The following FKBP5 variants were observed in gnomAD, a reference collection of about 807,000 sequenced individuals.
The protein encoded by FKBP5 is FKBP prolyl isomerase 5, also known as peptidyl-prolyl cis-trans isomerase FKBP5.
A neutral mutation model predicts 50.5 loss-of-function variants in FKBP5; 23 were observed. The ratio of observed to expected loss-of-function variants is 0.46; its 90% CI spans 0.33 to 0.65. The LOEUF (loss-of-function observed/expected upper bound fraction) is 0.65. Among genes scored for constraint, FKBP5 ranks in the 30% least tolerant of loss-of-function variants. The pLI is 0.02. For synonymous variants in FKBP5, 176 were observed against 190.6 expected (o/e 0.92, Z 0.63); for missense variants, 411 against 553.1 (o/e 0.74, Z 2.58).
chr6:35,663,050 A>G (rs1298265621), intron 1 of FKBP5, among the ~76,000 whole-genome samples: 2 of 152,310 alleles, frequency 1.3e-5, no homozygotes, highest in East Asian at 3.9e-4. Flanking sequence ...GGGTGTGGCA[A>G]GAGTAAAATC....
intron 2 of FKBP5, among the ~76,000 whole-genome samples, chr6:35,711,371 A>T (rs1227491071): frequency 1.3e-5 from 2 of 151,356 alleles, no homozygotes; most frequent in African/African-American, 2.4e-5. Flanking sequence ...TAATCCTAAC[A>T]GTTTGGGAGG....
intron 1 of FKBP5, among the ~76,000 whole-genome samples, chr6:35,725,439 A>G (rs1766688325): frequency 1.3e-5 from 2 of 152,276 alleles, no homozygotes; most frequent in South Asian, 2.1e-4. Flanking sequence ...GGGTCCAGAG[A>G]AACTCCAGAC....
intron 5 of FKBP5, among the ~76,000 whole-genome samples, chr6:35,616,177 T>C (rs1248373895): frequency 6.6e-6 from 1 of 151,826 alleles, no homozygotes; most frequent in Non-Finnish European, 1.5e-5. Context: ...TAGTCGGGCA[T>C]GGTGGCGTGC....
intron 1 of FKBP5, among the ~76,000 whole-genome samples, chr6:35,671,872 ATT>A (rs1226325256): frequency 1.4e-5 from 2 of 146,520 alleles, no homozygotes; most frequent in Non-Finnish European, 1.5e-5. Context: ...ATTTAGAAGA[ATT>A]TTTTTTTTTT....
At chr6:35,623,147 C>G (rs1763897598) in intron 3 of FKBP5, among the ~76,000 whole-genome samples, 1 of 152,186 alleles carries the variant, frequency 6.6e-6, no homozygotes, top group African/African-American at 2.4e-5. Flanking sequence ...GAGGCTGAGG[C>G]AGGAGAATGG....
chr6:35,677,578 T>C (rs1301549517), intron 1 of FKBP5, among the ~76,000 whole-genome samples: 1 of 152,188 alleles, frequency 6.6e-6, no homozygotes, highest in African/African-American at 2.4e-5. Context: ...CTGGGGAGAA[T>C]TCATCCTGGG....
At chr6:35,589,140 T>TTTCC (rs1185630141) in intron 7 of FKBP5, among the ~76,000 whole-genome samples, 1 of 142,676 alleles carries the variant, frequency 7.0e-6, no homozygotes, top group African/African-American at 2.6e-5. Context: ...TTTTTTTTTT[T>TTTCC]TCCTCTGAGA....
chr6:35,595,567 A>G (rs1762961289), intron 6 of FKBP5, among the ~76,000 whole-genome samples: 1 of 152,126 alleles, frequency 6.6e-6, no homozygotes, highest in Non-Finnish European at 1.5e-5. Context: ...CCTGGGCAAC[A>G]TGGCAAAACC....
chr6:35,661,856 T>A lies in FKBP5; in HGVS notation c.-19-19013A>T, dbSNP rs1159003040. 3.7e-5 allele frequency among the ~76,000 whole-genome samples: 2 copies of A among 54,776 alleles called. 1 individual carries two copies. Among genetic ancestry groups the A allele is most frequent in the Admixed American group, 4.0e-4 (2 of 4,996 alleles). The allele number at this position is 54,776 out of a possible 152,430, so 35.9% of individuals were successfully genotyped here. A position where few individuals can be genotyped will look rare whatever the true frequency, so the allele number is the denominator to read the frequency against. ...GCTTGACAACATAGCAACTGTATGA[T>A]CTTGTGCAAGTCACTTACCTTCTTT... On this transcript the variant is annotated intron_variant, in intron 1 of 10. Coordinates refer to ENST00000357266, the MANE Select transcript of FKBP5 (RefSeq NM_004117.4).
At chr6:35,712,879 G>C (rs1369136355) in intron 2 of FKBP5, among the ~76,000 whole-genome samples, 5 of 151,982 alleles carry the variant, frequency 3.3e-5, no homozygotes, top group Non-Finnish European at 7.4e-5. Flanking sequence ...TCACAGTTTT[G>C]CTTTCCTGTT....
At chr6:35,721,031 T>C (rs761678794) in intron 1 of FKBP5, among the ~76,000 whole-genome samples, 2 of 152,190 alleles carry the variant, frequency 1.3e-5, no homozygotes, top group African/African-American at 2.4e-5. Context: ...ACACAGAGCA[T>C]GTCCAAGATG....
At position 35,662,504 on chromosome 6, in the gene FKBP5, G is replaced by C. The variant is rs1765099720; in HGVS notation, c.-19-19661C>G. On this transcript the variant is annotated intron_variant, in intron 1 of 10. Coordinates refer to ENST00000357266, the MANE Select transcript of FKBP5 (RefSeq NM_004117.4). The stretch of plus-strand genomic sequence containing the variant: ...GCACTATGTTGCCCAGGCTGTTCTT[G>C]AACTCCTGGGCTCAAGCGATCCTGC... Among the ~76,000 whole-genome samples the C allele has an allele frequency of 2.1e-5, 3 of 144,948 alleles. No individual in the cohort carries two copies. In the Admixed American group the frequency reaches 2.1e-4, roughly 10 times the overall value.
chr6:35,588,530 TTTTTA>T (rs1450661523), intron 7 of FKBP5, among the ~76,000 whole-genome samples: 1 of 152,024 alleles, frequency 6.6e-6, no homozygotes, highest in Non-Finnish European at 1.5e-5. Context: ...ATGGAATTTT[TTTTTA>T]TTTTTTCTTT....
At position 35,665,084 on chromosome 6, in the gene FKBP5, C is replaced by T. The variant is rs533681267; in HGVS notation, c.-19-22241G>A. ...CTCTCCTTTGTGAATTACTACAGTT[C>T]TCCAGAGGACCTGCCTACCTCCAGA... On this transcript the variant is annotated intron_variant, in intron 1 of 10. Transcript: ENST00000357266. Among the ~76,000 whole-genome samples, 11 of 152,252 alleles carry T rather than the reference C, an allele frequency of 7.2e-5. No homozygotes were observed. In the South Asian group the frequency reaches 1.7e-3, roughly 23 times the overall value.
chr6:35,724,327 A>C (rs1165267333), intron 1 of FKBP5, among the ~76,000 whole-genome samples: 1 of 152,176 alleles, frequency 6.6e-6, no homozygotes, highest in Non-Finnish European at 1.5e-5. Flanking sequence ...CACGGAGCCC[A>C]CAGCCAGCAG....
chr6:35,661,469 G>A (rs1765065153), intron 1 of FKBP5, among the ~76,000 whole-genome samples: 1 of 83,690 alleles, frequency 1.2e-5, no homozygotes, highest in Non-Finnish European at 2.7e-5. Context: ...TTTATCATAT[G>A]TAATTGAAAG....
intron 8 of FKBP5, 67 bp downstream of exon 8, chr6:35,586,967 C>T (rs777554963): frequency 6.2e-7 from 1 of 1,609,736 alleles, no homozygotes; most frequent in Non-Finnish European, 8.5e-7. Context: ...TAGGGAATAT[C>T]AGCACAATTC....
At chr6:35,714,486 T>C (rs894592546) in intron 2 of FKBP5, among the ~76,000 whole-genome samples, 13 of 145,886 alleles carry the variant, frequency 8.9e-5, no homozygotes, top group African/African-American at 3.3e-4. Context: ...AAACAAGATG[T>C]ATAGGATTTT....
intron 1 of FKBP5, among the ~76,000 whole-genome samples, chr6:35,685,709 C>T (rs1016951674): frequency 5.9e-5 from 9 of 152,116 alleles, no homozygotes; most frequent in Admixed American, 2.0e-4. Context: ...AGGCTAGGCG[C>T]GATGGCTCAC....
Sources: gnomAD v4.1 joint callset for allele counts (sites outside exome capture counted in the v4.1 genomes callset) on GRCh38, gnomAD v4.1.1 for gene constraint, MANE v1.5 for transcripts, NCBI Gene and HGNC (gene_info 2026-07-23, HGNC 2026-07-21) for gene names.